Variants in FHIP1A observed in about 807,000 individuals in gnomAD.
FHIP1A encodes the protein FHF complex subunit HOOK interacting protein 1A.
FHIP1A carries 61 observed loss-of-function variants against 88.6 expected under a neutral mutation model. The observed-to-expected ratio is 0.69, with a 90% CI of 0.56 to 0.85. The LOEUF (loss-of-function observed/expected upper bound fraction) is 0.85. FHIP1A is among the 40% of genes least tolerant of loss of function. The pLI is 0.00. For missense variants in FHIP1A, 1,154 were observed against 1,273.5 expected (o/e 0.91, Z 1.43); for synonymous variants, 478 against 496.0 (o/e 0.96, Z 0.48).
At chr4:151,509,174 GT>G (rs919977558) in intron 3 of FHIP1A, among the ~76,000 whole-genome samples, 16 of 151,692 alleles carry the variant, frequency 1.1e-4, no homozygotes, top group Non-Finnish European at 1.9e-4. Context: ...TTGTTTGTTT[GT>G]TTTTTTTGAG....
At chr4:151,499,389 C>T (rs563475602) in intron 3 of FHIP1A, among the ~76,000 whole-genome samples, 36 of 152,282 alleles carry the variant, frequency 2.4e-4, no homozygotes, top group African/African-American at 6.7e-4. Context: ...CTTATTTTTA[C>T]GTGAAGCCAG....
chr4:151,560,561 T>C (rs1348471579), intron 3 of FHIP1A, among the ~76,000 whole-genome samples: 1 of 152,200 alleles, frequency 6.6e-6, no homozygotes, highest in Non-Finnish European at 1.5e-5. Flanking sequence ...TTTCTGCGTT[T>C]ACCTTAGTCA....
At chr4:151,607,927 T>C (rs1288029160) in intron 7 of FHIP1A, among the ~76,000 whole-genome samples, 1 of 152,124 alleles carries the variant, frequency 6.6e-6, no homozygotes, top group East Asian at 1.9e-4. Flanking sequence ...CTATAGTGTT[T>C]TGATTTTAGA....
chr4:151,543,439 G>GTA (rs1185605932), intron 3 of FHIP1A, among the ~76,000 whole-genome samples: 1 of 152,080 alleles, frequency 6.6e-6, no homozygotes, highest in Non-Finnish European at 1.5e-5. Flanking sequence ...CTGCAGTCCT[G>GTA]TATATATATG....
chr4:151,571,828 T>G (rs1228306512), intron 4 of FHIP1A, among the ~76,000 whole-genome samples: 2 of 152,232 alleles, frequency 1.3e-5, no homozygotes, highest in Non-Finnish European at 2.9e-5. Context: ...GCTCTAGCCT[T>G]GACAGTAGAA....
intron 3 of FHIP1A, among the ~76,000 whole-genome samples, chr4:151,554,310 C>T (rs1732862346): frequency 6.6e-6 from 1 of 152,144 alleles, no homozygotes; most frequent in Non-Finnish European, 1.5e-5. Context: ...GCTGCTTATT[C>T]CCTGATTCCT....
chr4:151,475,508 T>A (rs921553431), intron 2 of FHIP1A, among the ~76,000 whole-genome samples: 1 of 151,974 alleles, frequency 6.6e-6, no homozygotes, highest in African/African-American at 2.4e-5. Flanking sequence ...TATGAGGATA[T>A]CTGGGGATGG....
Position 151,468,075 on chromosome 4 carries a change from G to A in FHIP1A, c.-248+13267G>A, listed in dbSNP as rs535693045. On this transcript the variant is annotated intron_variant, in intron 2 of 13. Coordinates refer to ENST00000435205, the MANE Select transcript of FHIP1A (RefSeq NM_001109977.3). ...CGAGGAGGGCGGATCACGAGGTCAG[G>A]AGATTGAGACCGTCCTGGCTAACGC... is the stretch of plus-strand genomic sequence containing the variant. Among the ~76,000 whole-genome samples, 4 of 151,472 alleles carry A rather than the reference G, an allele frequency of 2.6e-5. No individual in the cohort carries two copies. In the South Asian group the frequency reaches 8.4e-4, roughly 32 times the overall value.
intron 3 of FHIP1A, among the ~76,000 whole-genome samples, chr4:151,505,379 G>A (rs1348078778): frequency 2.6e-5 from 4 of 152,148 alleles, no homozygotes; most frequent in African/African-American, 9.7e-5. Context: ...GTCCCCAAAT[G>A]GAAGGGGCTG....
At chr4:151,537,826 G>A (rs2126722404) in intron 3 of FHIP1A, among the ~76,000 whole-genome samples, 1 of 152,216 alleles carries the variant, frequency 6.6e-6, no homozygotes, top group Non-Finnish European at 1.5e-5. Flanking sequence ...TCTTTAGCTG[G>A]AGAATGGTAC....
At chr4:151,522,610 C>T (rs1244287941) in intron 3 of FHIP1A, among the ~76,000 whole-genome samples, 1 of 152,172 alleles carries the variant, frequency 6.6e-6, no homozygotes, top group Non-Finnish European at 1.5e-5. Context: ...GAGAAATAAC[C>T]CAGAAGTGGA....
chr4:151,573,617 GAGA>G (rs374929372), intron 4 of FHIP1A, among the ~76,000 whole-genome samples: 1 of 151,996 alleles, frequency 6.6e-6, no homozygotes. Flanking sequence ...CTAGATAGCT[GAGA>G]AGAAGCCAGG....
chr4:151,517,794 TTAAAA>T (rs899172632), intron 3 of FHIP1A, among the ~76,000 whole-genome samples: 1 of 151,806 alleles, frequency 6.6e-6, no homozygotes, highest in African/African-American at 2.4e-5. Context: ...AGTTTTAAAA[TTAAAA>T]TAAATAAAAA....
intron 3 of FHIP1A, among the ~76,000 whole-genome samples, chr4:151,549,948 T>C (rs1273472909): frequency 6.6e-6 from 1 of 152,194 alleles, no homozygotes; most frequent in Non-Finnish European, 1.5e-5. Context: ...CTTTTCTCCC[T>C]TACTTTCTAC....
intron 3 of FHIP1A, among the ~76,000 whole-genome samples, chr4:151,523,507 T>G (rs962420076): frequency 4.6e-5 from 7 of 151,182 alleles, no homozygotes; most frequent in African/African-American, 1.7e-4. Flanking sequence ...TTGTTCTCTG[T>G]TTTTTTTTCT....
intron 3 of FHIP1A, among the ~76,000 whole-genome samples, chr4:151,512,675 T>C (rs913457358): frequency 2.6e-5 from 4 of 152,106 alleles, no homozygotes; most frequent in Non-Finnish European, 5.9e-5. Flanking sequence ...CAGGAGCCGA[T>C]GCGATCAACT....
At chr4:151,627,057 A>C (rs1447121788) in intron 7 of FHIP1A, among the ~76,000 whole-genome samples, 3 of 152,230 alleles carry the variant, frequency 2.0e-5, no homozygotes, top group African/African-American at 7.2e-5. Flanking sequence ...CTCTGAGGAT[A>C]TGGTAGAAGG....
intron 1 of FHIP1A, among the ~76,000 whole-genome samples, chr4:151,442,750 A>G (rs971701710): frequency 1.3e-5 from 2 of 152,020 alleles, no homozygotes; most frequent in Non-Finnish European, 2.9e-5. Context: ...TATTAGTTGG[A>G]TATTGCATCT....
At chr4:151,439,126 T>C (rs1244236526) in intron 1 of FHIP1A, among the ~76,000 whole-genome samples, 1 of 152,192 alleles carries the variant, frequency 6.6e-6, no homozygotes, top group Non-Finnish European at 1.5e-5. Flanking sequence ...CATATAAATA[T>C]GTTTCAATTC....
Sources: allele counts gnomAD v4.1 joint callset (sites outside exome capture counted in the v4.1 genomes callset), GRCh38; gene constraint gnomAD v4.1.1; transcripts MANE v1.5; gene names NCBI Gene and HGNC (gene_info 2026-07-23, HGNC 2026-07-21).